The following DPYD variants were observed in gnomAD, a reference collection of about 807,000 sequenced individuals.
DPYD encodes the protein dihydropyrimidine dehydrogenase.
Under a neutral mutation model 116.2 loss-of-function variants are expected in DPYD, and 109 were observed. The ratio of observed to expected loss-of-function variants is 0.94; its 90% confidence interval spans 0.80 to 1.10. The LOEUF is 1.10. Ranked by LOEUF, DPYD falls within the 50% of genes least tolerant of loss-of-function variation. The pLI, the probability that DPYD is intolerant of heterozygous loss-of-function variation, is 0.00. For missense variants in DPYD, 1,302 were observed against 1,254.5 expected (o/e 1.04, Z -0.57); for synonymous variants, 440 against 432.0 (o/e 1.02, Z -0.23).
chr1:97,799,847 G>C (rs1667763678), intron 3 of DPYD, among the ~76,000 whole-genome samples: 1 of 151,858 alleles, frequency 6.6e-6, no homozygotes, highest in African/African-American at 2.4e-5. Flanking sequence ...ACGTTGCCTA[G>C]AACAGAACCT....
chr1:97,494,810 A>G (rs1679174055), intron 13 of DPYD, among the ~76,000 whole-genome samples: 10 of 151,994 alleles, frequency 6.6e-5, no homozygotes, highest in Admixed American at 6.6e-4. Flanking sequence ...TTAAGATAAA[A>G]GAAAGCTTCC....
intron 18 of DPYD, among the ~76,000 whole-genome samples, chr1:97,259,778 C>T (rs1178157665): frequency 6.6e-6 from 1 of 152,096 alleles, no homozygotes; most frequent in African/African-American, 2.4e-5. Flanking sequence ...TCATTTCTTG[C>T]TTTCAATTTT....
At chr1:97,326,069 T>C (rs1253668757) in intron 16 of DPYD, among the ~76,000 whole-genome samples, 4 of 151,712 alleles carry the variant, frequency 2.6e-5, no homozygotes, top group African/African-American at 9.7e-5. Context: ...AGAGAAGGTA[T>C]GGCTAATGTG....
At chr1:97,512,187 G>A (rs17377205) in intron 13 of DPYD, among the ~76,000 whole-genome samples, 2 of 151,796 alleles carry the variant, frequency 1.3e-5, no homozygotes, top group African/African-American at 4.8e-5. Flanking sequence ...TTGTGCTATG[G>A]GGTATAAGGT....
intron 3 of DPYD, among the ~76,000 whole-genome samples, chr1:97,743,942 A>G (rs1217784356): frequency 1.3e-5 from 2 of 152,108 alleles, no homozygotes; most frequent in African/African-American, 2.4e-5. Flanking sequence ...AATAGTTGTT[A>G]TACATAAAGA....
chr1:97,612,740 ACCTC>A (rs991110917), intron 8 of DPYD, among the ~76,000 whole-genome samples: 1 of 151,912 alleles, frequency 6.6e-6, no homozygotes, highest in Non-Finnish European at 1.5e-5. Context: ...GTCTTCCAAA[ACCTC>A]AGGACAAATT....
At chr1:97,237,751 A>G (rs1177374011) in intron 18 of DPYD, among the ~76,000 whole-genome samples, 1 of 152,238 alleles carries the variant, frequency 6.6e-6, no homozygotes, top group Non-Finnish European at 1.5e-5. Context: ...CTATCTCTGC[A>G]TAATATAACT....
At chr1:97,644,501 T>C (rs1302302493) in intron 8 of DPYD, among the ~76,000 whole-genome samples, 1 of 152,176 alleles carries the variant, frequency 6.6e-6, no homozygotes, top group African/African-American at 2.4e-5. Flanking sequence ...CAATCTTGGC[T>C]CACTGCAACC....
intron 3 of DPYD, among the ~76,000 whole-genome samples, chr1:97,781,018 T>G (rs574944041): frequency 9.7e-4 from 147 of 152,246 alleles, no homozygotes; most frequent in Non-Finnish European, 1.7e-3. Context: ...TGACTACAAC[T>G]GCAACTCTCA....
chr1:97,453,382 C>G (rs1676521028), intron 13 of DPYD, among the ~76,000 whole-genome samples: 1 of 152,162 alleles, frequency 6.6e-6, no homozygotes, highest in African/African-American at 2.4e-5. Flanking sequence ...CTACAGTTGT[C>G]TTTTATGTTT....
At chr1:97,260,623 G>A (rs1663812864) in intron 18 of DPYD, among the ~76,000 whole-genome samples, 1 of 152,002 alleles carries the variant, frequency 6.6e-6, no homozygotes, top group African/African-American at 2.4e-5. Context: ...ATAGTTGCAT[G>A]GATAAACTTT....
chr1:97,744,533 G>T (rs547003362), intron 3 of DPYD, among the ~76,000 whole-genome samples: 1 of 151,988 alleles, frequency 6.6e-6, no homozygotes, highest in African/African-American at 2.4e-5. Flanking sequence ...CTAGAGTTTG[G>T]TTTAATTGAG....
intron 20 of DPYD, among the ~76,000 whole-genome samples, chr1:97,112,248 T>C (rs1286305817): frequency 6.6e-6 from 1 of 152,120 alleles, no homozygotes; most frequent in Non-Finnish European, 1.5e-5. Context: ...AAACCATTTC[T>C]CCAGCATTTA....
intron 14 of DPYD, among the ~76,000 whole-genome samples, chr1:97,424,594 A>G (rs952357762): frequency 2.0e-5 from 3 of 152,130 alleles, no homozygotes; most frequent in Non-Finnish European, 4.4e-5. Context: ...GCAAATATTC[A>G]TAGTGAATTT....
chr1:97,388,910 G>A (rs1262810116), intron 14 of DPYD, among the ~76,000 whole-genome samples: 2 of 152,088 alleles, frequency 1.3e-5, no homozygotes, highest in African/African-American at 4.8e-5. Context: ...AGTGGAGAAA[G>A]TGGGCTTTAA....
At chr1:97,335,550 C>T (rs1471985102) in intron 16 of DPYD, among the ~76,000 whole-genome samples, 2 of 151,990 alleles carry the variant, frequency 1.3e-5, no homozygotes, top group Non-Finnish European at 2.9e-5. Flanking sequence ...CCATGGGAAT[C>T]ACTATATATT....
chr1:97,243,459 C>A (rs1417473219), intron 18 of DPYD, among the ~76,000 whole-genome samples: 2 of 151,850 alleles, frequency 1.3e-5, no homozygotes, highest in East Asian at 3.9e-4. Context: ...GGATAAATGC[C>A]ACATCCTCAA....
intron 14 of DPYD, among the ~76,000 whole-genome samples, chr1:97,422,576 T>C (rs1203003935): frequency 6.6e-6 from 1 of 152,152 alleles, no homozygotes; most frequent in Non-Finnish European, 1.5e-5. Flanking sequence ...CTCCACGGGC[T>C]ACTGGGTCAC....
intron 18 of DPYD, among the ~76,000 whole-genome samples, chr1:97,258,246 G>A (rs1002275889): frequency 2.0e-5 from 3 of 152,090 alleles, no homozygotes; most frequent in African/African-American, 7.2e-5. Flanking sequence ...AGCTCTGACT[G>A]ACCCCAAGAA....
Sources: gnomAD v4.1 joint callset for allele counts (sites outside exome capture counted in the v4.1 genomes callset) on GRCh38, gnomAD v4.1.1 for gene constraint, MANE v1.5 for transcripts, NCBI Gene and HGNC (gene_info 2026-07-23, HGNC 2026-07-21) for gene names.